CATSPERD: variants seen among roughly 807,000 people sequenced by gnomAD.
CATSPERD encodes cation channel sperm-associated auxiliary subunit delta.
CATSPERD carries 86 observed loss-of-function variants against 98.1 expected under a neutral mutation model. The observed-to-expected ratio is 0.88, with a 90% CI of 0.74 to 1.05. The LOEUF is 1.05. CATSPERD is among the 50% of genes least tolerant of loss of function. CATSPERD has a pLI of 0.00. For synonymous variants in CATSPERD, 394 were observed against 390.2 expected (o/e 1.01, Z -0.12); for missense variants, 995 against 1,005.7 (o/e 0.99, Z 0.14).
At chr19:5,736,532 C>T (rs2055849297) in intron 5 of CATSPERD, among the ~76,000 whole-genome samples, 2 of 151,592 alleles carry the variant, frequency 1.3e-5, no homozygotes, top group Non-Finnish European at 1.5e-5. Context: ...GCCTGGCCAC[C>T]GTGGCGAAAC....
At chr19:5,721,167 T>A (rs944767530) in intron 1 of CATSPERD, among the ~76,000 whole-genome samples, 5 of 151,008 alleles carry the variant, frequency 3.3e-5, no homozygotes, top group African/African-American at 1.2e-4. Flanking sequence ...CCCGGCTAAT[T>A]TTTTTTTGTA....
At chr19:5,769,454 T>C (rs2056606243) in intron 18 of CATSPERD, among the ~76,000 whole-genome samples, 1 of 152,074 alleles carries the variant, frequency 6.6e-6, no homozygotes, top group Non-Finnish European at 1.5e-5. Flanking sequence ...TAAACACCTC[T>C]GACTAGGCTC....
intron 19 of CATSPERD, among the ~76,000 whole-genome samples, chr19:5,771,734 C>T (rs1032237947): frequency 1.7e-4 from 26 of 151,452 alleles, no homozygotes; most frequent in African/African-American, 5.3e-4. Flanking sequence ...CCATGCCTGG[C>T]TAGTTTTTGT....
At chr19:5,753,193 A>G (rs2056253823) in intron 12 of CATSPERD, among the ~76,000 whole-genome samples, 1 of 152,028 alleles carries the variant, frequency 6.6e-6, no homozygotes, top group African/African-American at 2.4e-5. Context: ...ATTAAAAGAC[A>G]TACCTGTGTT....
intron 4 of CATSPERD, among the ~76,000 whole-genome samples, chr19:5,730,985 G>A (rs767647038): frequency 2.0e-5 from 3 of 151,102 alleles, no homozygotes; most frequent in African/African-American, 7.3e-5. Flanking sequence ...CCAGCTATTC[G>A]GGAGGCTGAG....
intron 12 of CATSPERD, 147 bp downstream of exon 12, chr19:5,751,970 C>T (rs1599556518): frequency 2.7e-6 from 2 of 742,616 alleles, no homozygotes; most frequent in South Asian, 4.9e-5. Context: ...CAAGACCAGC[C>T]TGGGCAACAT....
chr19:5,738,991 G>T lies in CATSPERD; in HGVS notation c.460-335G>T, dbSNP rs185307568. ...GATCCGCCCGCCTCAGCCTCCCAAA[G>T]TGCTGGGATTACAGTTGTGAGCCAC... On this transcript the variant is annotated intron_variant, in intron 6 of 21. Transcript: ENST00000381624. Among the ~76,000 whole-genome samples the T allele has an allele frequency of 2.3e-3, 350 of 152,202 alleles. 3 individuals are homozygous for T. Among genetic ancestry groups the T allele is most frequent in the African/African-American group, 7.5e-3 (311 of 41,552 alleles).
At chr19:5,740,284 A>T (rs941898292) in intron 7 of CATSPERD, among the ~76,000 whole-genome samples, 2 of 149,496 alleles carry the variant, frequency 1.3e-5, no homozygotes, top group African/African-American at 2.5e-5. Context: ...AGTGTCTCAA[A>T]AAAATAAAAT....
At chr19:5,769,627 A>G (rs1343250665) in intron 18 of CATSPERD, among the ~76,000 whole-genome samples, 2 of 152,136 alleles carry the variant, frequency 1.3e-5, no homozygotes, top group Non-Finnish European at 2.9e-5. Context: ...ATGCAAGTCA[A>G]GAGTCAGTTA....
chr19:5,742,339 C>A lies in CATSPERD; in HGVS notation c.574-2088C>A, dbSNP rs544288954. ...GTGGGTGTGCGTGTGCATGTGTGTACATGTGTGTGTGTGCATGTATGTTTG... is the reference window on the plus strand; with the variant it reads ...GTGGGTGTGCGTGTGCATGTGTGTAAATGTGTGTGTGTGCATGTATGTTTG... On this transcript the variant is annotated intron_variant, in intron 7 of 21. Coordinates refer to ENST00000381624, the MANE Select transcript of CATSPERD (RefSeq NM_152784.4). 2.1e-5 allele frequency among the ~76,000 whole-genome samples: 3 copies of A among 141,786 alleles called. No homozygotes were observed. The South Asian group carries it at 6.8e-4, about 32-fold the overall frequency. The allele number at this position is 141,786 out of a possible 152,430, so 93.0% of individuals were successfully genotyped here. A position where few individuals can be genotyped will look rare whatever the true frequency, so the allele number is the denominator to read the frequency against.
At chr19:5,744,842 C>G (rs1037997336) in intron 8 of CATSPERD, among the ~76,000 whole-genome samples, 4 of 152,036 alleles carry the variant, frequency 2.6e-5, no homozygotes, top group Non-Finnish European at 4.4e-5. Flanking sequence ...CTCAAGTGAT[C>G]CACCCACCTT....
At chr19:5,741,707 G>C (rs2055966693) in intron 7 of CATSPERD, among the ~76,000 whole-genome samples, 1 of 149,150 alleles carries the variant, frequency 6.7e-6, no homozygotes, top group African/African-American at 2.5e-5. Flanking sequence ...ATTGAAATCA[G>C]GTGGCCTTCA....
chr19:5,722,998 C>T (rs1599498498), intron 1 of CATSPERD, among the ~76,000 whole-genome samples: 5 of 151,836 alleles, frequency 3.3e-5, no homozygotes, highest in African/African-American at 1.2e-4. Context: ...ACCATCCTGG[C>T]TAACACGGTG....
chr19:5,727,213 C>A, intron 2 of CATSPERD, 55 bp from the exon 3 acceptor site: 3 of 1,364,068 alleles, frequency 2.2e-6, no homozygotes, highest in South Asian at 1.2e-5. Flanking sequence ...AAAATTATTT[C>A]TATCAGCTGT....
intron 5 of CATSPERD, among the ~76,000 whole-genome samples, chr19:5,736,796 G>T (rs916857039): frequency 4.0e-4 from 61 of 151,862 alleles, no homozygotes; most frequent in African/African-American, 1.5e-3. Flanking sequence ...GGTGGCTCAC[G>T]CCTGTAATCC....
In CATSPERD at chr19:5,733,628, C is replaced by T. The variant is rs1017418055; in HGVS notation, c.277-228C>T. 2.6e-5 allele frequency among the ~76,000 whole-genome samples: 4 copies of T among 151,284 alleles called. No individual in the cohort carries two copies. In the East Asian group the frequency reaches 5.9e-4, roughly 22 times the overall value. ...CCTGCTGCCACAACTGGCTAATTTT[C>T]GTATTTTTAGTAGAGACGGGGTTTC... On this transcript the variant is annotated intron_variant, in intron 4 of 21. Transcript: ENST00000381624.
rs769330311 is a variant in CATSPERD at position 5,754,253 on chromosome 19, C to T, written c.1278+8C>T. 6.3e-7 allele frequency: 1 copy of T among 1,590,832 alleles called. No homozygotes were observed. Among genetic ancestry groups the T allele is most frequent in the Admixed American group, 1.7e-5 (1 of 59,942 alleles). On this transcript the variant is annotated splice_region_variant and intron_variant, in intron 13 of 21. Coordinates refer to ENST00000381624, the MANE Select transcript of CATSPERD (RefSeq NM_152784.4). ...ACATCCCTGATTCCTCTGGTAAGTACATCTTAATGTTTCTGCTATCTGGGA... is the reference window on the plus strand; with the variant it reads ...ACATCCCTGATTCCTCTGGTAAGTATATCTTAATGTTTCTGCTATCTGGGA...
intron 21 of CATSPERD, among the ~76,000 whole-genome samples, chr19:5,777,196 A>G (rs868650534): frequency 1.5e-4 from 22 of 149,960 alleles, no homozygotes; most frequent in African/African-American, 5.2e-4. Context: ...ATGAAAGTTC[A>G]CCCCCTGAAA....
At chr19:5,757,019 A>C (rs2056336029) in intron 13 of CATSPERD, among the ~76,000 whole-genome samples, 1 of 152,050 alleles carries the variant, frequency 6.6e-6, no homozygotes, top group Non-Finnish European at 1.5e-5. Context: ...GGAGGCCGAC[A>C]CAGGCATATC....
Sources: allele counts gnomAD v4.1 joint callset (sites outside exome capture counted in the v4.1 genomes callset), GRCh38; gene constraint gnomAD v4.1.1; transcripts MANE v1.5; gene names NCBI Gene and HGNC (gene_info 2026-07-23, HGNC 2026-07-21).